The following TUBB variants were observed in gnomAD, a reference collection of about 807,000 sequenced individuals.
TUBB encodes tubulin beta class I.
A neutral mutation model predicts 35.1 loss-of-function variants in TUBB; 2 were observed. The observed-to-expected ratio is 0.06, with a 90% CI of 0.02 to 0.18. TUBB has a LOEUF of 0.18. TUBB is among the 10% of genes least tolerant of loss of function. The pLI is 1.00. For synonymous variants in TUBB, 205 were observed against 223.8 expected, an observed-to-expected ratio of 0.92 and a Z score of 0.75; for missense variants, 50 against 599.4, an observed-to-expected ratio of 0.08 and a Z score of 9.57.
At chr6:30,720,692 T>A (rs1776160043) in intron 1 of TUBB, 129 bp downstream of exon 1, 12 of 755,522 alleles carry the variant, frequency 1.6e-5, no homozygotes, top group East Asian at 2.7e-5. Flanking sequence ...TTTGTTACAT[T>A]TATATATATA....
intron 1 of TUBB, chr6:30,721,845 C>G (rs1449092102): frequency 1.0e-5 from 10 of 985,498 alleles, no homozygotes; most frequent in Non-Finnish European, 1.1e-5. Context: ...ATGCCATGCC[C>G]TAGAACAACG....
At chr6:30,722,323 G>T in intron 1 of TUBB, 1 of 550,924 alleles carries the variant, frequency 1.8e-6, no homozygotes, top group Non-Finnish European at 3.3e-6. Context: ...CGCGCCTATA[G>T]TCCCAGCTAC....
At chr6:30,721,658 G>A in intron 1 of TUBB, 1 of 985,444 alleles carries the variant, frequency 1.0e-6, no homozygotes, top group Non-Finnish European at 1.2e-6. Context: ...CCTTTTGTGC[G>A]CCGCGCGGTG....
chr6:30,721,477 G>C (rs1376317766), intron 1 of TUBB: 6 of 906,286 alleles, frequency 6.6e-6, no homozygotes, highest in Non-Finnish European at 7.9e-6. Context: ...GTTGCCCGCC[G>C]GCAGGGGCGC....
chr6:30,722,417 TG>T, intron 1 of TUBB, 119 bp from the exon 2 acceptor site: 1 of 713,604 alleles, frequency 1.4e-6, no homozygotes, highest in Non-Finnish European at 2.4e-6. Context: ...CACTCCAGCC[TG>T]GTGACAGAGC....
rs1206978109 is a variant in TUBB, at chr6:30,720,361, C to G, written c.-146C>G. 3.9e-6 allele frequency: 3 copies of G among 777,844 alleles called. No individual in the cohort carries two copies. Among genetic ancestry groups the G allele is most frequent in the African/African-American group, 1.7e-5 (1 of 57,946 alleles). The allele number at this position is 777,844 out of a possible 1,614,324, so 48.2% of individuals were successfully genotyped here. On this transcript the variant is annotated 5_prime_UTR_variant, in exon 1 of 4. Coordinates refer to ENST00000327892, the MANE Select transcript of TUBB (RefSeq NM_178014.4). ...CCCCTCTCCTTTCTCCCTCTCAGAA[C>G]CTTCCTGCCGTCGCGTTTGCACCTC...
In TUBB at chr6:30,725,041, C is replaced by G. The variant is rs200935008; in HGVS notation, c.*644C>G. ...CCTTTCCAACTCTACCTCCCTCACT[C>G]AGCTCCTTTCCCCTGATCAGAGAAA... On this transcript the variant is annotated 3_prime_UTR_variant, in exon 4 of 4. Coordinates refer to ENST00000327892, the MANE Select transcript of TUBB (RefSeq NM_178014.4). The G allele has an allele frequency of 2.0e-5, 3 of 152,346 alleles. No individual in the cohort carries two copies. Among genetic ancestry groups the G allele is most frequent in the African/African-American group, 7.3e-5 (3 of 41,350 alleles). 9.4% of individuals were successfully genotyped at this position (152,346 alleles called of 1,614,324 possible).
intron 2 of TUBB, 135 bp from the exon 3 acceptor site, chr6:30,722,782 GC>G: frequency 9.0e-7 from 1 of 1,108,790 alleles, no homozygotes; most frequent in Admixed American, 2.4e-5. Flanking sequence ...CACCGTCGGG[GC>G]CAAAGACGTC....
intron 1 of TUBB, chr6:30,722,269 C>T (rs545547745): frequency 1.9e-5 from 8 of 416,522 alleles, no homozygotes; most frequent in South Asian, 2.5e-5. Flanking sequence ...CATGGTGAAA[C>T]CCGTCTCTAC....
At chr6:30,721,479 C>T (rs1179273260) in intron 1 of TUBB, 2 of 906,884 alleles carry the variant, frequency 2.2e-6, no homozygotes, top group Non-Finnish European at 2.6e-6. Context: ...TGCCCGCCGG[C>T]AGGGGCGCGC....
chr6:30,722,295 T>G, intron 1 of TUBB: 1 of 484,706 alleles, frequency 2.1e-6, no homozygotes, highest in Non-Finnish European at 3.7e-6. Flanking sequence ...ATACAAAAAG[T>G]AGCTGGGCGT....
intron 2 of TUBB, 96 bp from the exon 3 acceptor site, chr6:30,722,822 T>A (rs763151585): frequency 1.6e-6 from 2 of 1,232,120 alleles, no homozygotes; most frequent in Non-Finnish European, 2.3e-6. Context: ...GGACCTGGAA[T>A]GACAAGTCTC....
chr6:30,722,487 T>C, intron 1 of TUBB, 50 bp from the exon 2 acceptor site: 2 of 1,241,086 alleles, frequency 1.6e-6, no homozygotes, highest in South Asian at 2.5e-5. Flanking sequence ...GTTGGGGACA[T>C]AGTTGGCTGG....
At chr6:30,720,854 G>A (rs578227461) in intron 1 of TUBB, among the ~76,000 whole-genome samples, 3 of 152,366 alleles carry the variant, frequency 2.0e-5, no homozygotes, top group African/African-American at 7.2e-5. Flanking sequence ...CTAACGGTCC[G>A]AGAACCGGGC....
At chr6:30,721,403 A>G (rs1189722767) in intron 1 of TUBB, among the ~76,000 whole-genome samples, 1 of 145,010 alleles carries the variant, frequency 6.9e-6, no homozygotes, top group Non-Finnish European at 1.5e-5. Context: ...GCTACGTTGT[A>G]GCAGAAGGGC....
At chr6:30,721,602 G>C (rs375908624) in intron 1 of TUBB, 11 of 984,682 alleles carry the variant, frequency 1.1e-5, no homozygotes, top group East Asian at 1.1e-4. Flanking sequence ...GTGGAGGGCG[G>C]GGGGGGTGGT....
At chr6:30,723,089 A>G (rs1776405320) in intron 3 of TUBB, 61 bp downstream of exon 3, 5 of 1,364,428 alleles carry the variant, frequency 3.7e-6, no homozygotes, top group Middle Eastern at 1.8e-4. Context: ...ATTTGGGTGC[A>G]AGGACACAGC....
intron 1 of TUBB, among the ~76,000 whole-genome samples, chr6:30,721,390 G>A (rs1356680909): frequency 3.3e-5 from 5 of 151,168 alleles, no homozygotes; most frequent in South Asian, 2.1e-4. Flanking sequence ...AGGAAGTGCG[G>A]CTGCTACGTT....
intron 1 of TUBB, 123 bp from the exon 2 acceptor site, chr6:30,722,414 G>C: frequency 1.4e-6 from 1 of 704,994 alleles, no homozygotes; most frequent in Non-Finnish European, 2.5e-6. Flanking sequence ...CTGCACTCCA[G>C]CCTGGTGACA....
Sources: gnomAD v4.1 joint callset for allele counts (sites outside exome capture counted in the v4.1 genomes callset) on GRCh38, gnomAD v4.1.1 for gene constraint, MANE v1.5 for transcripts, NCBI Gene and HGNC (gene_info 2026-07-23, HGNC 2026-07-21) for gene names.